Variants in SYNDIG1 observed in about 807,000 individuals in gnomAD.
The protein encoded by SYNDIG1 is synapse differentiation inducing 1, also known as synapse differentiation-inducing gene protein 1.
A neutral mutation model predicts 19.4 loss-of-function variants in SYNDIG1; 9 were observed. That is an observed-to-expected ratio of 0.46 (90% confidence interval 0.28 to 0.81). The LOEUF is 0.81. SYNDIG1 is among the 30% of genes least tolerant of loss of function. The pLI is 0.12. For synonymous variants in SYNDIG1, 141 were observed against 145.9 expected, an observed-to-expected ratio of 0.97 and a Z score of 0.24; for missense variants, 311 against 343.3, an observed-to-expected ratio of 0.91 and a Z score of 0.74.
At chr20:24,643,471 T>C (rs908806512) in intron 3 of SYNDIG1, among the ~76,000 whole-genome samples, 2 of 152,240 alleles carry the variant, frequency 1.3e-5, no homozygotes, top group Non-Finnish European at 2.9e-5. Flanking sequence ...CTTTATCAGC[T>C]AGAGTGCCGT....
intron 1 of SYNDIG1, among the ~76,000 whole-genome samples, chr20:24,541,989 A>T (rs79667360): frequency 6.6e-6 from 1 of 152,172 alleles, no homozygotes; most frequent in Non-Finnish European, 1.5e-5. Context: ...AGGAGTGGGT[A>T]CCAGCAAACG....
chr20:24,607,824 A>G lies in SYNDIG1; in HGVS notation c.618+22831A>G, dbSNP rs147953019. On this transcript the variant is annotated intron_variant, in intron 3 of 3. Transcript: ENST00000376862. ...ACCTAATGATCTTTTAAAACTCCCA[A>G]TATTTACAGTGGGTAAGTCAAGGGC... Among the ~76,000 whole-genome samples, 788 of 152,328 alleles carry G rather than the reference A, an allele frequency of 5.2e-3. 4 individuals carry two copies. Among genetic ancestry groups the G allele is most frequent in the Middle Eastern group, 0.01 (3 of 294 alleles).
intron 1 of SYNDIG1, among the ~76,000 whole-genome samples, chr20:24,519,392 A>G (rs542070189): frequency 2.0e-5 from 3 of 152,346 alleles, no homozygotes; most frequent in African/African-American, 7.2e-5. Context: ...TCTGAGGTTT[A>G]GTAAAAACCA....
intron 1 of SYNDIG1, among the ~76,000 whole-genome samples, chr20:24,501,787 CT>C (rs1478163510): frequency 6.6e-6 from 1 of 152,236 alleles, no homozygotes; most frequent in African/African-American, 2.4e-5. Flanking sequence ...GAAGCACCCA[CT>C]TGTGGTGTCT....
Position 24,480,491 on chromosome 20 carries a change from G to A in SYNDIG1, c.-79+10738G>A, listed in dbSNP as rs553971095. On this transcript the variant is annotated intron_variant, in intron 1 of 3. Coordinates refer to ENST00000376862, the MANE Select transcript of SYNDIG1 (RefSeq NM_024893.3). Reference sequence around the variant, plus strand: ...GAAAATAACAAGTGTTGGTAAGGACGTTTGGAAATTGGAACCCATGTGCAC... The same window carrying A: ...GAAAATAACAAGTGTTGGTAAGGACATTTGGAAATTGGAACCCATGTGCAC... Among the ~76,000 whole-genome samples the A allele has an allele frequency of 3.9e-5, 6 of 152,324 alleles. No individual in the cohort carries two copies. The South Asian group carries it at 6.2e-4, about 16-fold the overall frequency.
chr20:24,484,454 G>A (rs535398400), intron 1 of SYNDIG1, among the ~76,000 whole-genome samples: 3 of 152,226 alleles, frequency 2.0e-5, no homozygotes, highest in Non-Finnish European at 4.4e-5. Context: ...AAGACAGGTT[G>A]CGTGAACTTT....
intron 3 of SYNDIG1, among the ~76,000 whole-genome samples, chr20:24,599,274 C>T (rs1307601490): frequency 6.6e-6 from 1 of 152,066 alleles, no homozygotes; most frequent in Non-Finnish European, 1.5e-5. Flanking sequence ...AAATCAAAAT[C>T]ACAATGAGAT....
At chr20:24,605,552 G>A (rs1197153082) in intron 3 of SYNDIG1, among the ~76,000 whole-genome samples, 1 of 152,090 alleles carries the variant, frequency 6.6e-6, no homozygotes, top group East Asian at 1.9e-4. Flanking sequence ...ATGATCTGGT[G>A]CAGCCAAGAC....
At chr20:24,527,106 T>C (rs1227661708) in intron 1 of SYNDIG1, among the ~76,000 whole-genome samples, 1 of 152,228 alleles carries the variant, frequency 6.6e-6, no homozygotes, top group African/African-American at 2.4e-5. Flanking sequence ...GAGTTCTGTC[T>C]CCATTTCTGA....
At position 24,477,613 on chromosome 20, in the gene SYNDIG1, A is replaced by G. The variant is rs538836704; in HGVS notation, c.-79+7860A>G. On this transcript the variant is annotated intron_variant, in intron 1 of 3. Transcript: ENST00000376862. The stretch of plus-strand genomic sequence containing the variant: ...CCATCTGTGATTGCCCTGCCTCTCC[A>G]TCATCTTGTCCTCCAGTGATTGCAA... 2.0e-4 allele frequency among the ~76,000 whole-genome samples: 31 copies of G among 152,244 alleles called. 3 individuals carry two copies. Among genetic ancestry groups the G allele is most frequent in the African/African-American group, 7.2e-4 (30 of 41,548 alleles).
intron 1 of SYNDIG1, among the ~76,000 whole-genome samples, chr20:24,525,859 A>G (rs2057113490): frequency 6.6e-6 from 1 of 152,228 alleles, no homozygotes; most frequent in South Asian, 2.1e-4. Flanking sequence ...ATATTACATT[A>G]TCCCCATAAT....
intron 3 of SYNDIG1, among the ~76,000 whole-genome samples, chr20:24,640,078 A>T (rs2059355978): frequency 6.6e-6 from 1 of 152,186 alleles, no homozygotes; most frequent in Non-Finnish European, 1.5e-5. Context: ...TCATGCCTGT[A>T]ATTCCAGCAC....
intron 1 of SYNDIG1, among the ~76,000 whole-genome samples, chr20:24,521,589 G>A (rs1424544112): frequency 6.6e-6 from 1 of 151,964 alleles, no homozygotes; most frequent in African/African-American, 2.4e-5. Flanking sequence ...GTATAATAAA[G>A]GCATATTTAA....
chr20:24,656,972 T>C (rs1347390451), intron 3 of SYNDIG1, among the ~76,000 whole-genome samples: 4 of 152,200 alleles, frequency 2.6e-5, no homozygotes, highest in African/African-American at 9.6e-5. Context: ...TAAAAGTGTG[T>C]GGCCCCTCCT....
chr20:24,608,753 T>C (rs571303947), intron 3 of SYNDIG1, among the ~76,000 whole-genome samples: 1 of 152,198 alleles, frequency 6.6e-6, no homozygotes, highest in Non-Finnish European at 1.5e-5. Context: ...CCGATGGCCG[T>C]CAGTAAGGAT....
intron 3 of SYNDIG1, among the ~76,000 whole-genome samples, chr20:24,643,819 A>G (rs1207863767): frequency 1.3e-5 from 2 of 152,242 alleles, no homozygotes. Context: ...AGATGCTCTA[A>G]GAAGAAATAC....
chr20:24,490,624 G>A (rs1600416869), intron 1 of SYNDIG1, among the ~76,000 whole-genome samples: 1 of 152,150 alleles, frequency 6.6e-6, no homozygotes. Flanking sequence ...GTGTCGTCGG[G>A]GCAATTACCT....
rs186103326 is a variant in SYNDIG1, at chr20:24,557,549, T to G, written c.480+13972T>G. On this transcript the variant is annotated intron_variant, in intron 2 of 3. Coordinates refer to ENST00000376862, the MANE Select transcript of SYNDIG1 (RefSeq NM_024893.3). ...GACAGGACCCTCAGCTGCAGGTCTGTTGGAGTTTGCTAGAGGTCCACTCCA... is the reference window on the plus strand; with the variant it reads ...GACAGGACCCTCAGCTGCAGGTCTGGTGGAGTTTGCTAGAGGTCCACTCCA... Among the ~76,000 whole-genome samples, 44 of 152,300 alleles carry G rather than the reference T, an allele frequency of 2.9e-4. 1 individual carries two copies. Among genetic ancestry groups the G allele is most frequent in the African/African-American group, 9.6e-4 (40 of 41,572 alleles).
At chr20:24,659,373 C>A (rs895728761) in intron 3 of SYNDIG1, among the ~76,000 whole-genome samples, 1 of 152,220 alleles carries the variant, frequency 6.6e-6, no homozygotes, top group Admixed American at 6.5e-5. Context: ...GGGGGAAAGT[C>A]TGCCGTCCTC....
Sources: allele counts gnomAD v4.1 joint callset (sites outside exome capture counted in the v4.1 genomes callset), GRCh38; gene constraint gnomAD v4.1.1; transcripts MANE v1.5; gene names NCBI Gene and HGNC (gene_info 2026-07-23, HGNC 2026-07-21).